Variants in AGBL4 observed in about 807,000 individuals in gnomAD.
AGBL4 encodes the protein cytosolic carboxypeptidase 6.
A neutral mutation model predicts 66.4 loss-of-function variants in AGBL4; 58 were observed. The ratio of observed to expected loss-of-function variants is 0.87; its 90% CI spans 0.71 to 1.09. AGBL4 has a LOEUF of 1.09. AGBL4 is among the 50% of genes least tolerant of loss of function. The pLI is 0.00. For synonymous variants in AGBL4, 234 were observed against 222.9 expected, an observed-to-expected ratio of 1.05 and a Z score of -0.44; for missense variants, 579 against 631.0, an observed-to-expected ratio of 0.92 and a Z score of 0.88.
chr1:48,814,609 CTTTTTTTTTTT>C (rs10708061), intron 6 of AGBL4, among the ~76,000 whole-genome samples: 1 of 131,658 alleles, frequency 7.6e-6, no homozygotes, highest in African/African-American at 2.8e-5. Flanking sequence ...ATGAGATCAA[CTTTTTTTTTTT>C]TTTTTTTTAG....
chr1:48,797,606 T>TG (rs1363171182), intron 6 of AGBL4, among the ~76,000 whole-genome samples: 7 of 149,244 alleles, frequency 4.7e-5, no homozygotes, highest in Admixed American at 1.3e-4. Flanking sequence ...CCACATTATC[T>TG]TTTTTTTTTG....
chr1:49,426,160 T>C (rs1423195600), intron 3 of AGBL4, among the ~76,000 whole-genome samples: 2 of 152,192 alleles, frequency 1.3e-5, no homozygotes, highest in African/African-American at 4.8e-5. Context: ...GAATAAATAA[T>C]ACAATGCGTG....
chr1:50,008,947 C>A (rs1661332962), intron 1 of AGBL4, among the ~76,000 whole-genome samples: 1 of 151,948 alleles, frequency 6.6e-6, no homozygotes, highest in Non-Finnish European at 1.5e-5. Context: ...CAAGATTGAA[C>A]CATAAAAAAA....
chr1:49,354,940 G>C (rs2148525834), intron 3 of AGBL4, among the ~76,000 whole-genome samples: 1 of 152,256 alleles, frequency 6.6e-6, no homozygotes, highest in South Asian at 2.1e-4. Flanking sequence ...AACCAACCCT[G>C]GGCAGGACAC....
intron 3 of AGBL4, among the ~76,000 whole-genome samples, chr1:49,478,344 G>C (rs914473768): frequency 1.3e-5 from 2 of 151,686 alleles, no homozygotes; most frequent in Admixed American, 6.6e-5. Context: ...GAAGAAAGAA[G>C]AAGTAAAAAA....
chr1:49,150,796 T>C (rs750353739), intron 4 of AGBL4, among the ~76,000 whole-genome samples: 82 of 152,198 alleles, frequency 5.4e-4, no homozygotes, highest in Non-Finnish European at 5.7e-4. Context: ...AGCTTCCACG[T>C]TATCCTATAG....
At chr1:49,167,371 A>C (rs1269528259) in intron 4 of AGBL4, among the ~76,000 whole-genome samples, 1 of 152,124 alleles carries the variant, frequency 6.6e-6, no homozygotes, top group Non-Finnish European at 1.5e-5. Flanking sequence ...CTACTTCTCT[A>C]TCTGACAGAA....
At chr1:49,793,244 C>T (rs1437160958) in intron 2 of AGBL4, among the ~76,000 whole-genome samples, 2 of 152,002 alleles carry the variant, frequency 1.3e-5, no homozygotes, top group African/African-American at 4.8e-5. Context: ...ATATCTGGTA[C>T]TCAAATTTCT....
At chr1:49,752,060 G>A (rs867506907) in intron 2 of AGBL4, among the ~76,000 whole-genome samples, 14 of 150,084 alleles carry the variant, frequency 9.3e-5, no homozygotes, top group Admixed American at 5.3e-4. Context: ...AGGGTTTTTC[G>A]TGTCTCTATC....
chr1:49,093,865 C>T (rs566120307), intron 4 of AGBL4, among the ~76,000 whole-genome samples: 3 of 152,236 alleles, frequency 2.0e-5, no homozygotes, highest in South Asian at 4.1e-4. Context: ...TGCTTGAATA[C>T]ATTTAGTGAC....
intron 1 of AGBL4, 147 bp downstream of exon 1, chr1:50,023,616 T>C: frequency 1.0e-6 from 1 of 997,384 alleles, no homozygotes; most frequent in Non-Finnish European, 1.4e-6. Flanking sequence ...ACGCCACCCT[T>C]GACCCCTGAC....
intron 6 of AGBL4, chr1:48,761,538 C>A: frequency 1.4e-6 from 2 of 1,447,498 alleles, no homozygotes; most frequent in Non-Finnish European, 1.9e-6. Flanking sequence ...TTTAGAATGC[C>A]CAAAACCTCA....
intron 7 of AGBL4, 42 bp from the exon 8 acceptor site, chr1:48,653,493 A>T: frequency 7.1e-7 from 1 of 1,399,156 alleles, no homozygotes; most frequent in Non-Finnish European, 9.8e-7. Context: ...AAAGCATTTC[A>T]AGAAGAAGGA....
intron 1 of AGBL4, among the ~76,000 whole-genome samples, chr1:49,996,603 G>C (rs1317643744): frequency 6.6e-6 from 1 of 152,104 alleles, no homozygotes; most frequent in Admixed American, 6.5e-5. Context: ...GTGTACTCAA[G>C]GAAGAAGAGA....
At chr1:49,648,473 C>T (rs1357616815) in intron 3 of AGBL4, among the ~76,000 whole-genome samples, 2 of 151,924 alleles carry the variant, frequency 1.3e-5, no homozygotes, top group Non-Finnish European at 2.9e-5. Context: ...TAAGAGTTCT[C>T]CCAAAGTTAA....
chr1:49,479,920 G>A (rs1410657971), intron 3 of AGBL4, among the ~76,000 whole-genome samples: 3 of 151,676 alleles, frequency 2.0e-5, no homozygotes, highest in African/African-American at 7.2e-5. Flanking sequence ...TGTTAGCCAG[G>A]ATGGTCTCCA....
At chr1:48,529,229 A>T (rs1181750386), downstream of AGBL4, among the ~76,000 whole-genome samples, 1 of 151,884 alleles carries the variant, frequency 6.6e-6, no homozygotes, top group Non-Finnish European at 1.5e-5. Flanking sequence ...TCCTCTACTC[A>T]AGAAGCATTT....
intron 6 of AGBL4, among the ~76,000 whole-genome samples, chr1:48,838,386 C>T (rs556831925): frequency 4.9e-4 from 75 of 152,058 alleles, no homozygotes; most frequent in African/African-American, 1.7e-3. Context: ...AATAAATCCA[C>T]GTATTTAATT....
intron 3 of AGBL4, among the ~76,000 whole-genome samples, chr1:49,680,609 A>G (rs969551891): frequency 9.2e-5 from 14 of 152,076 alleles, no homozygotes; most frequent in African/African-American, 3.1e-4. Context: ...TTTTTTCTCT[A>G]TAAGTAAGCA....
Sources: gnomAD v4.1 joint callset for allele counts (sites outside exome capture counted in the v4.1 genomes callset) on GRCh38, gnomAD v4.1.1 for gene constraint, MANE v1.5 for transcripts, NCBI Gene and HGNC (gene_info 2026-07-23, HGNC 2026-07-21) for gene names.